Variants in ITCH observed in about 807,000 individuals in gnomAD.
ITCH encodes the protein E3 ubiquitin-protein ligase Itchy homolog.
A neutral mutation model predicts 126.8 loss-of-function variants in ITCH; 28 were observed. The ratio of observed to expected loss-of-function variants is 0.22; its 90% CI spans 0.16 to 0.30. The LOEUF (loss-of-function observed/expected upper bound fraction) is 0.30, where lower values mean the gene tolerates loss of function less well. Ranked by LOEUF, ITCH falls within the 10% of genes least tolerant of loss-of-function variation. The pLI is 1.00. For synonymous variants in ITCH, 342 were observed against 340.0 expected (o/e 1.01, Z -0.06); for missense variants, 631 against 1,032.4 (o/e 0.61, Z 5.33).
chr20:34,449,272 C>T, intron 11 of ITCH, 139 bp from the exon 12 acceptor site: 2 of 596,560 alleles, frequency 3.4e-6, no homozygotes, highest in Non-Finnish European at 6.0e-6. Flanking sequence ...GGCATTTATC[C>T]ATAACCATGT....
intron 2 of ITCH, among the ~76,000 whole-genome samples, chr20:34,383,031 C>T (rs1377918671): frequency 6.6e-6 from 1 of 151,906 alleles, no homozygotes; most frequent in African/African-American, 2.4e-5. Flanking sequence ...CATGAGCCAC[C>T]GCGCCCAGTC....
intron 2 of ITCH, among the ~76,000 whole-genome samples, chr20:34,391,942 T>C (rs1353069080): frequency 1.3e-5 from 2 of 152,226 alleles, no homozygotes; most frequent in Non-Finnish European, 2.9e-5. Context: ...TATTAGGGCA[T>C]TTTCTTGCAA....
Position 34,457,723 on chromosome 20 carries a change from A to G in ITCH, c.1295+249A>G, listed in dbSNP as rs1600390876. Among the ~76,000 whole-genome samples the G allele has an allele frequency of 2.0e-5, 3 of 152,286 alleles. No individual in the cohort carries two copies. In the East Asian group the frequency reaches 5.8e-4, roughly 29 times the overall value. ...CATTATCCCAGCACTTTGGGAGGCC[A>G]AGGAGGGAGGATTGTTTGAGGCCAG... On this transcript the variant is annotated intron_variant, in intron 13 of 24. Transcript: ENST00000374864.
At chr20:34,375,695 AATTTTTTTTTTTTTT>A (rs1276040972) in intron 2 of ITCH, among the ~76,000 whole-genome samples, 3 of 135,084 alleles carry the variant, frequency 2.2e-5, no homozygotes, top group African/African-American at 8.8e-5. Flanking sequence ...TGGTAGTTAA[AATTTTTTTTTTTTTT>A]TTTTTTTTTT....
intron 18 of ITCH, 94 bp downstream of exon 18, chr20:34,479,883 A>G (rs1281037153): frequency 3.4e-6 from 4 of 1,167,836 alleles, no homozygotes; most frequent in Admixed American, 1.8e-5. Flanking sequence ...GAGAAAGGGA[A>G]GTGGTTTTTT....
intron 1 of ITCH, among the ~76,000 whole-genome samples, chr20:34,367,905 C>T (rs2037476980): frequency 6.6e-6 from 1 of 152,144 alleles, no homozygotes; most frequent in Non-Finnish European, 1.5e-5. Flanking sequence ...TGCGTCTTGA[C>T]TGTTTAGGCA....
At chr20:34,399,775 A>G (rs1008316018) in intron 3 of ITCH, among the ~76,000 whole-genome samples, 3 of 152,044 alleles carry the variant, frequency 2.0e-5, no homozygotes, top group African/African-American at 7.2e-5. Context: ...TGGGAGACAG[A>G]GGTTGCAGTA....
intron 12 of ITCH, among the ~76,000 whole-genome samples, chr20:34,456,184 G>GTGTA (rs1222199512): frequency 6.8e-4 from 32 of 47,228 alleles, no homozygotes; most frequent in East Asian, 3.3e-3. Context: ...GTGTGTGTGT[G>GTGTA]TATATATATA....
At chr20:34,459,504 G>A (rs1986316853) in intron 13 of ITCH, among the ~76,000 whole-genome samples, 1 of 152,126 alleles carries the variant, frequency 6.6e-6, no homozygotes, top group African/African-American at 2.4e-5. Flanking sequence ...AAAGCCTCCA[G>A]GCAAACAAAG....
intron 23 of ITCH, among the ~76,000 whole-genome samples, chr20:34,494,149 G>GAA (rs1313492361): frequency 2.0e-5 from 3 of 152,194 alleles, no homozygotes; most frequent in African/African-American, 7.2e-5. Context: ...AGAATCGCTT[G>GAA]AACCCGGGAG....
At chr20:34,423,169 G>C (rs533550495) in intron 6 of ITCH, among the ~76,000 whole-genome samples, 1 of 152,070 alleles carries the variant, frequency 6.6e-6, no homozygotes, top group Non-Finnish European at 1.5e-5. Context: ...TCTGTTTTTT[G>C]TGTCTGGCTT....
intron 24 of ITCH, among the ~76,000 whole-genome samples, chr20:34,505,731 T>C (rs142616264): frequency 0.028 from 4,287 of 152,076 alleles, 86 homozygotes; most frequent in Non-Finnish European, 0.044. Flanking sequence ...AATTTTTGTA[T>C]TTTTAGTAGA....
rs1370880318 is a variant in ITCH at position 34,413,889 on chromosome 20, T to C, written c.475+10T>C. 1.7e-5 allele frequency: 28 copies of C among 1,604,870 alleles called. No homozygotes were observed. Among genetic ancestry groups the C allele is most frequent in the Non-Finnish European group, 2.3e-5 (27 of 1,171,712 alleles). On this transcript the variant is annotated intron_variant, in intron 6 of 24. Coordinates refer to ENST00000374864, the MANE Select transcript of ITCH (RefSeq NM_031483.7). Reference sequence around the variant, plus strand: ...ACTACATGTTCAGAAAGTAAGTGACTACCTTTTTAAGGTCTTTAATGATTC... The same window carrying C: ...ACTACATGTTCAGAAAGTAAGTGACCACCTTTTTAAGGTCTTTAATGATTC...
intron 14 of ITCH, among the ~76,000 whole-genome samples, chr20:34,467,685 T>C (rs916724341): frequency 7.1e-6 from 1 of 140,044 alleles, no homozygotes; most frequent in African/African-American, 2.8e-5. Context: ...TTCATTTTTT[T>C]TTTTTTTTTT....
intron 1 of ITCH, among the ~76,000 whole-genome samples, chr20:34,366,998 T>G (rs988925725): frequency 1.3e-5 from 2 of 152,134 alleles, no homozygotes; most frequent in Admixed American, 6.6e-5. Flanking sequence ...ATGAGGATTT[T>G]TTTTTAGAGC....
intron 2 of ITCH, among the ~76,000 whole-genome samples, chr20:34,379,426 G>A (rs1026894241): frequency 4.0e-5 from 6 of 151,770 alleles, no homozygotes; most frequent in Admixed American, 2.6e-4. Context: ...TACCACTATC[G>A]GTCTCTAGAA....
intron 16 of ITCH, chr20:34,476,417 G>T: frequency 8.1e-7 from 1 of 1,237,200 alleles, no homozygotes; most frequent in South Asian, 3.7e-5. Context: ...CGGCCGGCCG[G>T]GTCGCCGAGG....
At chr20:34,452,069 CAAAAA>C (rs765697780) in intron 12 of ITCH, among the ~76,000 whole-genome samples, 4 of 53,316 alleles carry the variant, frequency 7.5e-5, no homozygotes, top group Non-Finnish European at 1.6e-4. Context: ...GACCCTGTCT[CAAAAA>C]AAAAAAAAAA....
chr20:34,499,272 CTTTTTTTTTTTTTTTTTT>C lies in ITCH; in HGVS notation c.2417-5042_2417-5025del, dbSNP rs386393666. Among the ~76,000 whole-genome samples, 148 of 23,040 alleles carry C rather than the reference CTTTTTTTTTTTTTTTTTT, an allele frequency of 6.4e-3. 1 individual carries two copies. Among genetic ancestry groups the C allele is most frequent in the African/African-American group, 0.023 (145 of 6,306 alleles). 15.1% of individuals were successfully genotyped at this position (23,040 alleles called of 152,430 possible). A position where few individuals can be genotyped will look rare whatever the true frequency, so the allele number is the denominator to read the frequency against. ...TACAGGCGTGAGCCACTGTGCCCAG[CTTTTTTTTTTTTTTTTTT>C]TTTTTTTTTTTTTTTTGAGACAGTC... On this transcript the variant is annotated intron_variant, in intron 23 of 24. Transcript: ENST00000374864.
Sources: gnomAD v4.1 joint callset for allele counts (sites outside exome capture counted in the v4.1 genomes callset) on GRCh38, gnomAD v4.1.1 for gene constraint, MANE v1.5 for transcripts, NCBI Gene and HGNC (gene_info 2026-07-23, HGNC 2026-07-21) for gene names.